PUDP: variants seen among roughly 807,000 people sequenced by gnomAD.
The protein encoded by PUDP is pseudouridine-5'-phosphatase.
A neutral mutation model predicts 9.4 loss-of-function variants in PUDP; 8 were observed. The observed-to-expected ratio is 0.85, with a 90% CI of 0.50 to 1.53. The LOEUF (loss-of-function observed/expected upper bound fraction) is 1.53, where lower values mean the gene tolerates loss of function less well. Among genes scored for constraint, PUDP ranks in the 40% most tolerant of loss-of-function variants. The pLI is 0.00. For synonymous variants in PUDP, 99 were observed against 80.7 expected, an observed-to-expected ratio of 1.23 and a Z score of -1.22; for missense variants, 188 against 189.7, an observed-to-expected ratio of 0.99 and a Z score of 0.05.
intron 3 of PUDP, among the ~76,000 whole-genome samples, chrX:6,855,688 T>C (rs1370230936): frequency 1.8e-5 from 2 of 112,055 alleles, no homozygotes; most frequent in East Asian, 2.8e-4. Context: ...GGATTGGGGA[T>C]AGTGGAGGAA....
intron 3 of PUDP, among the ~76,000 whole-genome samples, chrX:6,969,846 C>T (rs1287721051): frequency 1.8e-5 from 2 of 112,193 alleles, no homozygotes; most frequent in Admixed American, 1.9e-4. Flanking sequence ...TGCACCACTG[C>T]ACTGCAGCTT....
intron 3 of PUDP, among the ~76,000 whole-genome samples, chrX:6,751,027 A>G (rs1925068496): frequency 9.1e-6 from 1 of 110,374 alleles, no homozygotes. Context: ...CTGTAGTCCC[A>G]GCTACTCGGG....
At chrX:6,841,683 A>G (rs2146718047) in intron 3 of PUDP, among the ~76,000 whole-genome samples, 1 of 112,222 alleles carries the variant, frequency 8.9e-6, no homozygotes, top group South Asian at 3.7e-4. Flanking sequence ...AGATCAATAG[A>G]GTTATTGAGA....
chrX:6,893,269 T>A (rs749990371), intron 3 of PUDP, among the ~76,000 whole-genome samples: 2 of 111,638 alleles, frequency 1.8e-5, no homozygotes, highest in East Asian at 5.7e-4. Flanking sequence ...TGAACCCGAT[T>A]TTGGAGGAAG....
chrX:6,796,301 T>C (rs922651937), intron 3 of PUDP, among the ~76,000 whole-genome samples: 2 of 112,161 alleles, frequency 1.8e-5, no homozygotes, highest in African/African-American at 6.5e-5. Flanking sequence ...TTTGCTTTAA[T>C]TGGGTTCTGT....
intron 1 of PUDP, among the ~76,000 whole-genome samples, chrX:7,144,905 C>T (rs1932832756): frequency 9.0e-6 from 1 of 111,006 alleles, no homozygotes; most frequent in African/African-American, 3.3e-5. Context: ...TTACACATAC[C>T]ACATTTTACA....
At chrX:6,977,371 T>C (rs772205719) in intron 2 of PUDP, among the ~76,000 whole-genome samples, 13 of 111,954 alleles carry the variant, frequency 1.2e-4, no homozygotes, top group African/African-American at 3.6e-4. Flanking sequence ...GAAAATGACA[T>C]TGTTGACCTA....
At chrX:7,044,505 TGAA>T (rs1929960881), downstream of PUDP, among the ~76,000 whole-genome samples, 1 of 112,683 alleles carries the variant, frequency 8.9e-6, no homozygotes, top group Non-Finnish European at 1.9e-5. Flanking sequence ...TTGGGAATGA[TGAA>T]GTTTTCTGGA....
At chrX:6,855,592 C>T (rs1926893302) in intron 3 of PUDP, among the ~76,000 whole-genome samples, 2 of 112,063 alleles carry the variant, frequency 1.8e-5, no homozygotes, top group African/African-American at 6.5e-5. Context: ...TCAAACATCA[C>T]TTTGAGTGGC....
intron 1 of PUDP, among the ~76,000 whole-genome samples, chrX:7,118,266 T>C (rs1173731964): frequency 6.2e-5 from 7 of 112,243 alleles, no homozygotes; most frequent in African/African-American, 2.3e-4. Context: ...TCCAAAACTA[T>C]AGAACAGTGA....
At chrX:7,054,772 T>G (rs1162319402) in intron 3 of PUDP, among the ~76,000 whole-genome samples, 1 of 111,996 alleles carries the variant, frequency 8.9e-6, no homozygotes, top group African/African-American at 3.2e-5. Context: ...TTTGCCGGAC[T>G]CTTACACTTC....
At chrX:6,979,841 A>T (rs959309299) in intron 1 of PUDP, among the ~76,000 whole-genome samples, 5 of 111,876 alleles carry the variant, frequency 4.5e-5, no homozygotes, top group African/African-American at 1.3e-4. Context: ...CTTTAAAAAG[A>T]GGCAAATAGT....
intron 3 of PUDP, among the ~76,000 whole-genome samples, chrX:6,783,254 C>T (rs1275948783): frequency 8.9e-6 from 1 of 111,873 alleles, no homozygotes; most frequent in Non-Finnish European, 1.9e-5. Flanking sequence ...ATCACAAACC[C>T]TTGTAGCAGA....
intron 3 of PUDP, among the ~76,000 whole-genome samples, chrX:6,874,368 A>G (rs1353920460): frequency 8.9e-6 from 1 of 112,246 alleles, no homozygotes; most frequent in Admixed American, 9.5e-5. Flanking sequence ...TGAGTATATT[A>G]ATAGGGTTCA....
At chrX:6,949,986 G>A (rs903274867) in intron 3 of PUDP, among the ~76,000 whole-genome samples, 17 of 111,200 alleles carry the variant, frequency 1.5e-4, no homozygotes, top group African/African-American at 5.6e-4. Flanking sequence ...TGTGGAAATG[G>A]GACCTTGCCC....
At chrX:6,870,401 A>G (rs369404162) in intron 3 of PUDP, among the ~76,000 whole-genome samples, 5 of 111,697 alleles carry the variant, frequency 4.5e-5, no homozygotes, top group African/African-American at 1.6e-4. Flanking sequence ...TTCTTGTGAT[A>G]GTGAATAAGT....
Position 6,818,914 on chromosome X carries a change from C to T in PUDP, c.*248-112448G>A, listed in dbSNP as rs181243577. 8.5e-4 allele frequency among the ~76,000 whole-genome samples: 94 copies of T among 111,031 alleles called. 1 individual carries two copies. Among genetic ancestry groups the T allele is most frequent in the African/African-American group, 3.0e-3 (90 of 30,102 alleles). On this transcript the variant is annotated intron_variant and NMD_transcript_variant, in intron 3 of 3. Coordinates refer to the PUDP transcript ENST00000655425. ...TCCCATGATTTAACAAATTTTAATA[C>T]TAGGAATATTAAAGATGATGATAGT...
At chrX:6,926,919 T>C (rs1251252156) in intron 3 of PUDP, among the ~76,000 whole-genome samples, 1 of 100,318 alleles carries the variant, frequency 1.0e-5, no homozygotes, top group Non-Finnish European at 2.0e-5. Context: ...AAGGAGACAA[T>C]TCCTTTTTTT....
intron 3 of PUDP, among the ~76,000 whole-genome samples, chrX:6,934,475 G>A (rs867177459): frequency 3.6e-5 from 4 of 110,097 alleles, no homozygotes; most frequent in African/African-American, 1.3e-4. Flanking sequence ...AAGAGCTCCT[G>A]AAGGAAGTGC....
Sources: gnomAD v4.1 joint callset for allele counts (sites outside exome capture counted in the v4.1 genomes callset) on GRCh38, gnomAD v4.1.1 for gene constraint, MANE v1.5 for transcripts, NCBI Gene and HGNC (gene_info 2026-07-23, HGNC 2026-07-21) for gene names.